The following ABCA6 variants were observed in gnomAD, a reference collection of about 807,000 sequenced individuals.
ABCA6 encodes ATP-binding cassette sub-family A member 6.
ABCA6 carries 164 observed loss-of-function variants against 191.2 expected under a neutral mutation model. The ratio of observed to expected loss-of-function variants is 0.86; its 90% CI spans 0.76 to 0.98. The LOEUF (loss-of-function observed/expected upper bound fraction) is 0.98, where lower values mean the gene tolerates loss of function less well. Among genes scored for constraint, ABCA6 ranks in the 50% least tolerant of loss-of-function variants. The probability of loss-of-function intolerance (pLI) is 0.00; values close to 1 mark genes in which losing one functional copy is unlikely to be tolerated. For synonymous variants in ABCA6, 636 were observed against 647.7 expected (o/e 0.98, Z 0.27); for missense variants, 1,958 against 1,894.1 (o/e 1.03, Z -0.63).
chr17:69,087,343 G>T lies in ABCA6; in HGVS notation c.3819+10C>A, dbSNP rs2072823676. ...TCCATTAATATCCATTTTGCCCCTT[G>T]CTTTTTTACCTCATCTAAGATTGAA... On this transcript the variant is annotated intron_variant, in intron 29 of 38. Transcript: ENST00000284425. The T allele has an allele frequency of 6.2e-7, 1 of 1,611,176 alleles. No homozygotes were observed. Among genetic ancestry groups the T allele is most frequent in the East Asian group, 2.2e-5 (1 of 44,836 alleles).
Position 69,129,650 on chromosome 17 carries a change from A to G in ABCA6, c.893T>C (p.Met298Thr), listed in dbSNP as rs553506025. Residue 298 changes from methionine to threonine, a missense_variant, in exon 7 of 39, where the codon ATG becomes ACG. Transcript: ENST00000284425. Reference sequence around the variant, plus strand: ...TAAAAAAAAGAGTATAAATATGACCATGAAGCCAGTCATGACTATAATTTG... The same window carrying G: ...TAAAAAAAAGAGTATAAATATGACCGTGAAGCCAGTCATGACTATAATTTG... Reference protein sequence around the residue: ...FTQIIVMTGFMVIFILFFLYG... With the variant: ...FTQIIVMTGFTVIFILFFLYG... The G allele has an allele frequency of 2.5e-6, 4 of 1,603,670 alleles. No homozygotes were observed. The highest frequency in any genetic ancestry group is 2.7e-5 in the African/African-American group (2 of 74,572).
At chr17:69,083,176 T>G (rs553230618) in intron 35 of ABCA6, 36 bp downstream of exon 35, 5 of 1,566,742 alleles carry the variant, frequency 3.2e-6, no homozygotes, top group Non-Finnish European at 4.3e-6. Flanking sequence ...AAATCTCATT[T>G]TGAGCATCAA....
chr17:69,105,888 CT>C (rs566709920), intron 19 of ABCA6, 139 bp downstream of exon 19: 744 of 953,196 alleles, frequency 7.8e-4, no homozygotes, highest in Non-Finnish European at 9.8e-4. Flanking sequence ...GGTATTCCCA[CT>C]GTCAGAAAAA....
chr17:69,116,278 T>A (rs2144680375), intron 11 of ABCA6, among the ~76,000 whole-genome samples: 1 of 152,218 alleles, frequency 6.6e-6, no homozygotes. Context: ...GAGAGATATA[T>A]TAACATGTCT....
intron 37 of ABCA6, among the ~76,000 whole-genome samples, chr17:69,080,829 G>A (rs1385511765): frequency 6.6e-6 from 1 of 152,196 alleles, no homozygotes; most frequent in African/African-American, 2.4e-5. Flanking sequence ...AGTAAGAACA[G>A]TTAAGCATGT....
Position 69,128,693 on chromosome 17 carries a change from C to T in ABCA6, c.1045G>A (p.Glu349Lys). The T allele has an allele frequency of 6.2e-7, 1 of 1,613,204 alleles. No individual in the cohort carries two copies. The highest frequency in any genetic ancestry group is 8.5e-7 in the Non-Finnish European group (1 of 1,179,514). ...CACTCCAGAGATGAAGGAAGTTGTT[C>T]ATAAAATACAGTGAATCCCAGACAT... ...WGCLGFTVFY[E>K]QLPSSLEWIL... is the part of the protein sequence containing the mutation. The change falls in exon 8 of 39, where the codon GAA becomes AAA. Residue 349 changes from glutamate (E) to lysine (K), a missense_variant. By Grantham distance (56) the Glu-to-Lys change is moderately conservative (BLOSUM62 1). Transcript: ENST00000284425.
At position 69,133,640 on chromosome 17, in the gene ABCA6, C is replaced by A; in HGVS notation, c.791+1G>T. On this transcript the variant is annotated splice_donor_variant, in intron 6 of 38. Transcript: ENST00000284425. LOFTEE classifies it high-confidence loss of function. ...TTGCACTACTTGAATTAGTCACTCA[C>A]CAGAATGCTGAATCTTGGAGACCCA... is the stretch of plus-strand genomic sequence containing the variant. The A allele has an allele frequency of 1.0e-5, 16 of 1,570,392 alleles. No individual in the cohort carries two copies. The highest frequency in any genetic ancestry group is 1.4e-5 in the Non-Finnish European group (16 of 1,151,680).
At chr17:69,132,755 C>T (rs1427426950) in intron 6 of ABCA6, among the ~76,000 whole-genome samples, 3 of 152,200 alleles carry the variant, frequency 2.0e-5, no homozygotes, top group Non-Finnish European at 2.9e-5. Context: ...GCTAAGATTA[C>T]AGGTGTGAGC....
rs2073689781 is a variant in ABCA6, at chr17:69,123,466, G to A, written c.1268-59C>T. ...TAATAGTAAAAGAATGCGCAAAGAA[G>A]CCTTGCTAACAACAATGCAGAATGC... On this transcript the variant is annotated intron_variant, in intron 9 of 38. Coordinates refer to ENST00000284425, the MANE Select transcript of ABCA6 (RefSeq NM_080284.3). 5.7e-6 allele frequency: 7 copies of A among 1,230,066 alleles called. No individual in the cohort carries two copies. In the South Asian group the frequency reaches 1.7e-4, roughly 30 times the overall value. 76.2% of individuals were successfully genotyped at this position (1,230,066 alleles called of 1,614,324 possible). A position where few individuals can be genotyped will look rare whatever the true frequency, so the allele number is the denominator to read the frequency against.
Position 69,114,742 on chromosome 17 carries a change from A to G in ABCA6, c.1782+20T>C. ...TGGTAAGTGGTTGGCAGGTCAGTTA[A>G]TCCAAGCATGCCCTCCTACCTCTTG... On this transcript the variant is annotated intron_variant, in intron 13 of 38. Transcript: ENST00000284425. 6.3e-7 allele frequency: 1 copy of G among 1,589,538 alleles called. No individual in the cohort carries two copies. The highest frequency in any genetic ancestry group is 8.6e-7 in the Non-Finnish European group (1 of 1,168,362).
intron 8 of ABCA6, among the ~76,000 whole-genome samples, chr17:69,127,537 A>T (rs1015572672): frequency 7.9e-5 from 12 of 152,124 alleles, no homozygotes; most frequent in Non-Finnish European, 1.8e-4. Context: ...CGTCATCAAT[A>T]ATCGGGGAAA....
At chr17:69,096,552 A>T in intron 24 of ABCA6, 76 bp downstream of exon 24, 1 of 1,127,374 alleles carries the variant, frequency 8.9e-7, no homozygotes, top group African/African-American at 1.6e-5. Flanking sequence ...AAAACATCTT[A>T]ACTACTTAAA....
intron 11 of ABCA6, 23 bp from the exon 12 acceptor site, chr17:69,115,509 A>T (rs2073521664): frequency 6.3e-7 from 1 of 1,575,184 alleles, no homozygotes; most frequent in Admixed American, 1.7e-5. Context: ...CAAATTGTTA[A>T]CAAATTATTA....
rs1425462121 is a variant in ABCA6, at chr17:69,090,229, G to T, written c.3529-687C>A. ...TTTCCAGTTCGCCAAGGACACCCCT[G>T]ATTACAGAAGCCCTCTTTACTTTCC... On this transcript the variant is annotated intron_variant, in intron 26 of 38. Coordinates refer to ENST00000284425, the MANE Select transcript of ABCA6 (RefSeq NM_080284.3). 2.0e-5 allele frequency among the ~76,000 whole-genome samples: 3 copies of T among 152,206 alleles called. No homozygotes were observed. In the East Asian group the frequency reaches 5.8e-4, roughly 29 times the overall value.
rs1242390357 is a variant in ABCA6, at chr17:69,088,238, T to C, written c.3627A>G (p.Leu1209=). Residue 1209 remains leucine, a synonymous_variant, in exon 28 of 39, where the codon CTA becomes CTG. Coordinates refer to ENST00000284425, the MANE Select transcript of ABCA6 (RefSeq NM_080284.3). The part of the protein sequence containing the change: ...VCFIPYFQTL[L]FVFVLRCMEL... ...CCATGCATCTTAGAACAAAAACGAATAGCAAAGTCTGAAAGTAGGGCTATG... is the reference window on the plus strand; with the variant it reads ...CCATGCATCTTAGAACAAAAACGAACAGCAAAGTCTGAAAGTAGGGCTATG... 2.5e-6 allele frequency: 4 copies of C among 1,611,138 alleles called. No homozygotes were observed. Among genetic ancestry groups the C allele is most frequent in the Non-Finnish European group, 3.4e-6 (4 of 1,178,484 alleles).
intron 2 of ABCA6, 92 bp from the exon 3 acceptor site, chr17:69,137,592 A>G: frequency 8.3e-7 from 1 of 1,201,942 alleles, no homozygotes; most frequent in Non-Finnish European, 1.2e-6. Flanking sequence ...AACAAATTCC[A>G]ATTGTGCTAT....
chr17:69,123,181 T>A (rs2073682355), intron 10 of ABCA6, 58 bp downstream of exon 10: 2 of 1,144,400 alleles, frequency 1.7e-6, no homozygotes, highest in Non-Finnish European at 2.3e-6. Flanking sequence ...AAATTAAAAA[T>A]AATAATAATT....
chr17:69,096,504 G>T, intron 24 of ABCA6, 124 bp downstream of exon 24: 1 of 854,028 alleles, frequency 1.2e-6, no homozygotes, highest in Non-Finnish European at 1.7e-6. Flanking sequence ...CATGCACTTT[G>T]CATGTTTTTT....
At chr17:69,080,790 G>C (rs1449097582) in intron 37 of ABCA6, among the ~76,000 whole-genome samples, 1 of 152,164 alleles carries the variant, frequency 6.6e-6, no homozygotes, top group East Asian at 1.9e-4. Flanking sequence ...ACACAGAGGG[G>C]CTTTTAGAGG....
Sources: gnomAD v4.1 joint callset for allele counts (sites outside exome capture counted in the v4.1 genomes callset) on GRCh38, gnomAD v4.1.1 for gene constraint, MANE v1.5 for transcripts, NCBI Gene and HGNC (gene_info 2026-07-23, HGNC 2026-07-21) for gene names.